Variants in ERC1 observed in about 807,000 individuals in gnomAD.
ERC1 encodes RAB6 interacting protein 2.
In ERC1, 56 loss-of-function variants were observed where a neutral mutation model predicts 132.0. That is an observed-to-expected ratio of 0.42 (90% confidence interval 0.34 to 0.53). The LOEUF (loss-of-function observed/expected upper bound fraction) is 0.53. Ranked by LOEUF, ERC1 falls within the 20% of genes least tolerant of loss-of-function variation. The pLI, the probability that ERC1 is intolerant of heterozygous loss-of-function variation, is 0.03. For missense variants in ERC1, 1,202 were observed against 1,349.9 expected (o/e 0.89, Z 1.72); for synonymous variants, 478 against 476.1 (o/e 1.00, Z -0.05).
At chr12:1,146,390 G>T (rs1950371138) in intron 8 of ERC1, among the ~76,000 whole-genome samples, 1 of 121,094 alleles carries the variant, frequency 8.3e-6, no homozygotes. Context: ...GGTAACTATT[G>T]ATGTGTAGTA....
At chr12:1,000,932 T>C (rs1300334627) in intron 1 of ERC1, among the ~76,000 whole-genome samples, 2 of 152,174 alleles carry the variant, frequency 1.3e-5, no homozygotes, top group Non-Finnish European at 2.9e-5. Context: ...TTTGTTTGTT[T>C]TTTTGAGATG....
chr12:1,402,099 A>T (rs139735458), intron 16 of ERC1, among the ~76,000 whole-genome samples: 85 of 152,342 alleles, frequency 5.6e-4, no homozygotes, highest in African/African-American at 1.9e-3. Context: ...ATTAGAAAAT[A>T]AGGAAATTGC....
chr12:1,455,983 A>T (rs991443274), intron 18 of ERC1, among the ~76,000 whole-genome samples: 2 of 152,190 alleles, frequency 1.3e-5, no homozygotes, highest in Admixed American at 1.3e-4. Flanking sequence ...CAGGTGTATG[A>T]TCTTTCTCAT....
intron 17 of ERC1, among the ~76,000 whole-genome samples, chr12:1,428,269 G>A (rs905256286): frequency 2.6e-5 from 4 of 152,166 alleles, no homozygotes; most frequent in Non-Finnish European, 4.4e-5. Context: ...GAAAATGTGG[G>A]CACCCGACAG....
In ERC1 at chr12:1,012,709, C is replaced by A. The variant is rs138292561; in HGVS notation, c.-156-15039C>A. 3.3e-3 allele frequency among the ~76,000 whole-genome samples: 495 copies of A among 152,184 alleles called. 1 individual carries two copies. Among genetic ancestry groups the A allele is most frequent in the African/African-American group, 0.011 (472 of 41,518 alleles). The stretch of plus-strand genomic sequence containing the variant: ...GACCTCGTGGTCTGCCTGCCTTGGC[C>A]TCCTGAAGTGTTGGGATTACAGGCG... On this transcript the variant is annotated intron_variant, in intron 1 of 18. Transcript: ENST00000360905.
At chr12:1,181,771 G>A (rs542132151) in intron 9 of ERC1, among the ~76,000 whole-genome samples, 154 bp from the exon 10 acceptor site, 1 of 144,464 alleles carries the variant, frequency 6.9e-6, no homozygotes, top group Non-Finnish European at 1.5e-5. Context: ...CAACAAGAGC[G>A]AAACTCTGTC....
chr12:1,492,228 A>T lies in ERC1; in HGVS notation c.*1998A>T. On this transcript the variant is annotated 3_prime_UTR_variant, in exon 19 of 19. Transcript: ENST00000360905. ...AGCCAGGCTGGCCAGAGAGGGGTGC[A>T]GGGGTTAGATAGTAAGTGGTGGTCG... 2 of 233,196 alleles carry T rather than the reference A, an allele frequency of 8.6e-6. No individual in the cohort carries two copies. The highest frequency in any genetic ancestry group is 1.7e-5 in the Non-Finnish European group (2 of 118,014). 14.4% of individuals were successfully genotyped at this position (233,196 alleles called of 1,614,324 possible).
intron 17 of ERC1, among the ~76,000 whole-genome samples, chr12:1,431,552 A>G (rs1436697529): frequency 1.3e-5 from 2 of 152,152 alleles, no homozygotes; most frequent in Admixed American, 1.3e-4. Context: ...TCACTTTTTC[A>G]TATTTAAATT....
intron 12 of ERC1, among the ~76,000 whole-genome samples, chr12:1,205,932 T>G (rs1356907989): frequency 1.3e-5 from 2 of 152,058 alleles, no homozygotes; most frequent in Non-Finnish European, 2.9e-5. Flanking sequence ...GGGAAAAGCT[T>G]CAGAAGAATT....
In ERC1 at chr12:1,183,403, G is replaced by A; in HGVS notation, c.2139G>A (p.Met713Ile). The change falls in exon 11 of 19, where the codon ATG (methionine) becomes ATA (isoleucine). Residue 713 changes from methionine (M) to isoleucine (I), a missense_variant. Transcript: ENST00000360905. Reference protein sequence around the residue: ...LEQKKEECLKMESQLKKAHEA... With the variant: ...LEQKKEECLKIESQLKKAHEA... ...AGAAGAAGGAGGAGTGTCTGAAAAT[G>A]GAATCACAATTGAAAAAGGTTAAAG... The A allele has an allele frequency of 6.4e-7, 1 of 1,571,120 alleles. No homozygotes were observed. Among genetic ancestry groups the A allele is most frequent in the Non-Finnish European group, 8.7e-7 (1 of 1,152,896 alleles).
chr12:1,020,182 C>T (rs1267235259), intron 1 of ERC1, among the ~76,000 whole-genome samples: 2 of 152,156 alleles, frequency 1.3e-5, no homozygotes, highest in Non-Finnish European at 2.9e-5. Flanking sequence ...TCTGGCTGGA[C>T]ACAGTGGCTC....
upstream of ERC1, chr12:991,122 G>T (rs914207890): frequency 6.6e-6 from 1 of 151,588 alleles, no homozygotes; most frequent in South Asian, 1.8e-4. Flanking sequence ...GAGGGAAAGG[G>T]AGGCAGCCGA....
chr12:1,168,356 T>C (rs1446270892), intron 8 of ERC1, among the ~76,000 whole-genome samples: 3 of 151,962 alleles, frequency 2.0e-5, no homozygotes, highest in Non-Finnish European at 2.9e-5. Flanking sequence ...ACTCCTGGGA[T>C]CAAGTGATCT....
intron 15 of ERC1, among the ~76,000 whole-genome samples, chr12:1,362,293 T>C (rs2086201814): frequency 1.3e-5 from 2 of 152,220 alleles, no homozygotes. Context: ...CCAGCAAAGT[T>C]GCCAGCATTC....
chr12:1,223,690 A>C (rs1440579355), intron 12 of ERC1, among the ~76,000 whole-genome samples: 1 of 152,184 alleles, frequency 6.6e-6, no homozygotes, highest in African/African-American at 2.4e-5. Flanking sequence ...AGAGAGTTAA[A>C]TCTTTTATTC....
intron 8 of ERC1, among the ~76,000 whole-genome samples, chr12:1,178,763 A>G (rs1277420697): frequency 6.6e-6 from 1 of 152,106 alleles, no homozygotes; most frequent in African/African-American, 2.4e-5. Context: ...TCTCCATAGA[A>G]CTTATCTCTG....
chr12:1,193,308 T>G (rs1002464193), intron 12 of ERC1, among the ~76,000 whole-genome samples: 5 of 152,098 alleles, frequency 3.3e-5, no homozygotes, highest in African/African-American at 9.7e-5. Flanking sequence ...ATAAGCCCAT[T>G]AATACATCTA....
rs35403554 is a variant in ERC1, at chr12:996,249, CT to C, written c.-157+4953del. On this transcript the variant is annotated intron_variant, in intron 1 of 18. Transcript: ENST00000360905. ...TACAGGTGCCCGCCACCATGCCTGG[CT>C]TTTTTTTTTTTTTTTTTTTTTTTTT... 4.1e-3 allele frequency among the ~76,000 whole-genome samples: 181 copies of C among 43,758 alleles called. 1 individual carries two copies. Among genetic ancestry groups the C allele is most frequent in the Middle Eastern group, 0.026 (1 of 38 alleles). 28.7% of individuals were successfully genotyped at this position (43,758 alleles called of 152,430 possible).
intron 18 of ERC1, among the ~76,000 whole-genome samples, chr12:1,466,547 G>T (rs1432176671): frequency 6.6e-6 from 1 of 152,070 alleles, no homozygotes; most frequent in Non-Finnish European, 1.5e-5. Flanking sequence ...TACTGCTTGG[G>T]TAATTGTTAA....
Sources: allele counts gnomAD v4.1 joint callset (sites outside exome capture counted in the v4.1 genomes callset), GRCh38; gene constraint gnomAD v4.1.1; transcripts MANE v1.5; gene names NCBI Gene and HGNC (gene_info 2026-07-23, HGNC 2026-07-21).